The following FSTL5 variants were observed in gnomAD, a reference collection of about 807,000 sequenced individuals.
FSTL5 encodes the protein follistatin-related protein 5.
FSTL5 carries 62 observed loss-of-function variants against 89.1 expected under a neutral mutation model. That is an observed-to-expected ratio of 0.70 (90% CI 0.57 to 0.86). The LOEUF (loss-of-function observed/expected upper bound fraction) is 0.86, where lower values mean the gene tolerates loss of function less well. Among genes scored for constraint, FSTL5 ranks in the 40% least tolerant of loss-of-function variants. The probability of loss-of-function intolerance (pLI) is 0.00; values close to 1 mark genes in which losing one functional copy is unlikely to be tolerated. For synonymous variants in FSTL5, 383 were observed against 346.2 expected (o/e 1.11, Z -1.18); for missense variants, 1,057 against 1,001.6 (o/e 1.06, Z -0.75).
intron 3 of FSTL5, among the ~76,000 whole-genome samples, chr4:162,025,804 A>T (rs1203113075): frequency 1.1e-4 from 17 of 152,038 alleles, no homozygotes; most frequent in Non-Finnish European, 2.5e-4. Flanking sequence ...ACAACAAAAA[A>T]ATCCGTCTAT....
At position 161,468,244 on chromosome 4, in the gene FSTL5, ATT is replaced by A. The variant is rs35455811; in HGVS notation, c.1609-8927_1609-8926del. On this transcript the variant is annotated intron_variant, in intron 13 of 15. Transcript: ENST00000306100. ...TTTGCTTCAAGGATTAAGTGCCTAC[ATT>A]TTTTTTTTTTTTTTTACAATAGGAA... Among the ~76,000 whole-genome samples the A allele has an allele frequency of 6.4e-3, 923 of 143,104 alleles. 3 individuals are homozygous for A. The highest frequency in any genetic ancestry group is 0.013 in the African/African-American group (487 of 38,612). 93.9% of individuals were successfully genotyped at this position (143,104 alleles called of 152,430 possible).
At position 161,385,885 on chromosome 4, in the gene FSTL5, G is replaced by T. The variant is rs768902703; in HGVS notation, c.2406C>A (p.Asp802Glu). 6.2e-7 allele frequency: 1 copy of T among 1,613,940 alleles called. No individual in the cohort carries two copies. The highest frequency in any genetic ancestry group is 1.7e-5 in the Admixed American group (1 of 59,964). The change falls in exon 16 of 16, where the codon GAC becomes GAA. Residue 802 changes from aspartate (D) to glutamate (E), a missense_variant. Asp to Glu is a conservative substitution (Grantham distance 45). Around this residue, in one of 3 missense-constraint regions of FSTL5, gnomAD observed 68 missense variants for 73.3 expected, o/e 0.93. Coordinates refer to ENST00000306100, the MANE Select transcript of FSTL5 (RefSeq NM_020116.5). ...PWNRKNRQIQ[D>E]SGLFGQYLMT... ...TCAGGTATTGACCAAACAAGCCACT[G>T]TCCTGGATTTGCCTGTTTTTCCGGT...
At chr4:161,683,061 T>A (rs1737582564) in intron 6 of FSTL5, among the ~76,000 whole-genome samples, 1 of 152,126 alleles carries the variant, frequency 6.6e-6, no homozygotes, top group Non-Finnish European at 1.5e-5. Context: ...TCTTTTTTAA[T>A]AAGTAGAAGA....
rs577027723 is a variant in FSTL5 at position 161,635,253 on chromosome 4, G to T, written c.894+21075C>A. ...AATACAAAAAAATTAGCCGGGCGTG[G>T]TGGCAGGCGCCTGTAATCCCAGTTA... On this transcript the variant is annotated intron_variant, in intron 7 of 15. Transcript: ENST00000306100. 5.3e-5 allele frequency among the ~76,000 whole-genome samples: 8 copies of T among 152,236 alleles called. No homozygotes were observed. In the East Asian group the frequency reaches 1.4e-3, roughly 26 times the overall value.
At chr4:161,744,177 A>G (rs935710950) in intron 6 of FSTL5, among the ~76,000 whole-genome samples, 6 of 152,104 alleles carry the variant, frequency 3.9e-5, no homozygotes, top group Non-Finnish European at 7.4e-5. Flanking sequence ...TCAGGGATGC[A>G]TAAGGAATGA....
At chr4:161,588,220 T>C (rs1022602236) in intron 7 of FSTL5, among the ~76,000 whole-genome samples, 1 of 152,034 alleles carries the variant, frequency 6.6e-6, no homozygotes. Flanking sequence ...AAGATTAGCA[T>C]AGCTATAATG....
chr4:162,048,184 G>C (rs890444189), intron 2 of FSTL5, among the ~76,000 whole-genome samples: 1 of 151,686 alleles, frequency 6.6e-6, no homozygotes. Context: ...AAAATTAGCT[G>C]GGTGTGGTGG....
intron 3 of FSTL5, among the ~76,000 whole-genome samples, chr4:161,936,950 A>G (rs1001366786): frequency 6.6e-6 from 1 of 152,154 alleles, no homozygotes; most frequent in African/African-American, 2.4e-5. Flanking sequence ...CTCACAGGAA[A>G]GGTGATGGTT....
chr4:161,444,504 G>A (rs73858499), intron 15 of FSTL5, among the ~76,000 whole-genome samples: 2,543 of 151,546 alleles, frequency 0.017, 70 homozygotes, highest in African/African-American at 0.057. Context: ...TCATACAAAT[G>A]AAAAATAATG....
chr4:161,709,529 A>G (rs1738702398), intron 6 of FSTL5, among the ~76,000 whole-genome samples: 2 of 152,182 alleles, frequency 1.3e-5, no homozygotes. Context: ...TGGCTGGTGC[A>G]GTGGCTCACA....
intron 4 of FSTL5, among the ~76,000 whole-genome samples, chr4:161,853,707 G>A (rs143839618): frequency 1.3e-3 from 194 of 152,218 alleles, no homozygotes; most frequent in African/African-American, 4.4e-3. Context: ...AGAGAAAAAC[G>A]TTAACCTTTC....
At chr4:161,630,763 T>A (rs1367247903) in intron 7 of FSTL5, among the ~76,000 whole-genome samples, 2 of 152,182 alleles carry the variant, frequency 1.3e-5, no homozygotes, top group South Asian at 4.1e-4. Context: ...ATTAACAAAA[T>A]TATTCTATTT....
intron 6 of FSTL5, among the ~76,000 whole-genome samples, chr4:161,733,002 G>C (rs940952131): frequency 2.6e-5 from 4 of 151,384 alleles, no homozygotes; most frequent in Admixed American, 1.3e-4. Flanking sequence ...TTTATAGTCA[G>C]AGCATTGGTT....
At chr4:162,114,719 C>A (rs1313673278) in intron 1 of FSTL5, among the ~76,000 whole-genome samples, 1 of 152,098 alleles carries the variant, frequency 6.6e-6, no homozygotes, top group Non-Finnish European at 1.5e-5. Context: ...ATTTTATCTA[C>A]CCAAAGGCAG....
intron 6 of FSTL5, among the ~76,000 whole-genome samples, chr4:161,675,076 G>T (rs1190988900): frequency 2.6e-5 from 4 of 152,102 alleles, no homozygotes; most frequent in Non-Finnish European, 2.9e-5. Flanking sequence ...AAGCAGGATA[G>T]TTTATAAGCA....
chr4:161,422,144 G>A (rs898861486), intron 15 of FSTL5, among the ~76,000 whole-genome samples: 4 of 151,728 alleles, frequency 2.6e-5, no homozygotes. Flanking sequence ...TTGTATATAT[G>A]GTATTGGTTC....
At chr4:161,602,586 G>A (rs1466159765) in intron 7 of FSTL5, among the ~76,000 whole-genome samples, 4 of 152,056 alleles carry the variant, frequency 2.6e-5, no homozygotes, top group African/African-American at 9.7e-5. Flanking sequence ...AGCCAGAAAT[G>A]TATTTATACT....
rs547581117 is a variant in FSTL5, at chr4:161,637,552, G to T, written c.894+18776C>A. ...AAGTCCTTGCCCATGCCTATCTCCTGAATGGTAATGCCTAGGTTTTCTTCT... is the reference window on the plus strand; with the variant it reads ...AAGTCCTTGCCCATGCCTATCTCCTTAATGGTAATGCCTAGGTTTTCTTCT... On this transcript the variant is annotated intron_variant, in intron 7 of 15. Coordinates refer to ENST00000306100, the MANE Select transcript of FSTL5 (RefSeq NM_020116.5). Among the ~76,000 whole-genome samples the T allele has an allele frequency of 2.7e-5, 4 of 150,826 alleles. No individual in the cohort carries two copies. The East Asian group carries it at 5.9e-4, about 22-fold the overall frequency.
chr4:162,102,900 G>A (rs1731061073), intron 2 of FSTL5, among the ~76,000 whole-genome samples: 1 of 151,408 alleles, frequency 6.6e-6, no homozygotes, highest in South Asian at 2.1e-4. Flanking sequence ...GAATGCTGAT[G>A]CAACACTTTT....
Sources: allele counts gnomAD v4.1 joint callset (sites outside exome capture counted in the v4.1 genomes callset), GRCh38; gene constraint gnomAD v4.1.1; regional missense constraint gnomAD v4.1.1; transcripts MANE v1.5; gene names NCBI Gene and HGNC (gene_info 2026-07-23, HGNC 2026-07-21).